FAM227B: variants seen among roughly 807,000 people sequenced by gnomAD.
FAM227B encodes the protein family with sequence similarity 227 member B.
A neutral mutation model predicts 73.8 loss-of-function variants in FAM227B; 88 were observed. The observed-to-expected ratio is 1.19, with a 90% CI of 1.00 to 1.42. FAM227B has a LOEUF of 1.42. FAM227B is among the 40% of genes most tolerant of loss of function. FAM227B has a pLI of 0.00. For synonymous variants in FAM227B, 210 were observed against 190.5 expected (o/e 1.10, Z -0.84); for missense variants, 632 against 590.9 (o/e 1.07, Z -0.72).
chr15:49,452,021 T>G (rs890907480), intron 11 of FAM227B, among the ~76,000 whole-genome samples: 6 of 152,098 alleles, frequency 3.9e-5, no homozygotes, highest in Non-Finnish European at 7.4e-5. Flanking sequence ...TGACATAGAT[T>G]CAAAATTTGA....
chr15:49,352,876 A>G (rs1306069117), intron 13 of FAM227B, among the ~76,000 whole-genome samples: 3 of 152,102 alleles, frequency 2.0e-5, no homozygotes, highest in African/African-American at 7.2e-5. Flanking sequence ...ATCCTCCTGG[A>G]ATTTCTTGGT....
At chr15:49,613,341 AC>A (rs1327168437) in intron 2 of FAM227B, among the ~76,000 whole-genome samples, 2 of 152,078 alleles carry the variant, frequency 1.3e-5, no homozygotes, top group African/African-American at 4.8e-5. Context: ...ACACGGTAAA[AC>A]CCCAGTCTCT....
chr15:49,537,097 C>T (rs1224066517), intron 10 of FAM227B, among the ~76,000 whole-genome samples: 2 of 151,830 alleles, frequency 1.3e-5, no homozygotes, highest in South Asian at 2.1e-4. Flanking sequence ...GTCTTCTGCA[C>T]GTCAAAGAAA....
At chr15:49,573,065 G>A (rs1245408274) in intron 8 of FAM227B, among the ~76,000 whole-genome samples, 2 of 150,280 alleles carry the variant, frequency 1.3e-5, no homozygotes, top group African/African-American at 4.9e-5. Context: ...TTCTAATGCA[G>A]GCATTTTAAT....
At chr15:49,601,220 CCTTT>C (rs992063056) in intron 3 of FAM227B, among the ~76,000 whole-genome samples, 12 of 150,840 alleles carry the variant, frequency 8.0e-5, no homozygotes, top group South Asian at 4.2e-4. Flanking sequence ...TTCCTCTCTT[CCTTT>C]GTGATTTGAT....
intron 1 of FAM227B, among the ~76,000 whole-genome samples, chr15:49,618,299 T>C (rs1002548387): frequency 3.9e-5 from 6 of 152,066 alleles, no homozygotes; most frequent in African/African-American, 1.4e-4. Context: ...AGGAGAGCAG[T>C]ATTATGTTGG....
intron 11 of FAM227B, among the ~76,000 whole-genome samples, chr15:49,393,969 C>G (rs2047392647): frequency 6.6e-6 from 1 of 152,110 alleles, no homozygotes; most frequent in Non-Finnish European, 1.5e-5. Context: ...CAGGAGTGTT[C>G]TTTAAATGTC....
intron 11 of FAM227B, among the ~76,000 whole-genome samples, chr15:49,507,090 C>T (rs1350743982): frequency 1.3e-5 from 2 of 151,474 alleles, no homozygotes; most frequent in Non-Finnish European, 2.9e-5. Flanking sequence ...TAGCCCCCCA[C>T]CCCCCATAAC....
chr15:49,482,240 TTTTAC>T (rs1436407321), intron 11 of FAM227B, among the ~76,000 whole-genome samples: 1 of 152,032 alleles, frequency 6.6e-6, no homozygotes, highest in African/African-American at 2.4e-5. Context: ...TATCTTGAGA[TTTTAC>T]TTTATTTAGT....
intron 11 of FAM227B, among the ~76,000 whole-genome samples, chr15:49,468,832 T>A (rs1302036175): frequency 6.6e-6 from 1 of 152,168 alleles, no homozygotes. Context: ...GAGGTTTGTC[T>A]TCCGTGTTAA....
At chr15:49,534,417 G>A (rs1189457099) in intron 10 of FAM227B, among the ~76,000 whole-genome samples, 4 of 151,826 alleles carry the variant, frequency 2.6e-5, no homozygotes, top group African/African-American at 9.7e-5. Context: ...AATTTATCAA[G>A]AGGATGTAAC....
rs547919507 is a variant in FAM227B at position 49,484,558 on chromosome 15, C to T, written c.1012+23653G>A. ...CAGCAGGGAGATTTCTTTAAGTGGA[C>T]TGTTTTCTTTCTTCTCAAAATTTTC... On this transcript the variant is annotated intron_variant, in intron 11 of 15. Transcript: ENST00000299338. The T allele has an allele frequency of 1.4e-5, 13 of 913,040 alleles. No homozygotes were observed. In the African/African-American group the frequency reaches 1.9e-4, roughly 13 times the overall value. 56.6% of individuals were successfully genotyped at this position (913,040 alleles called of 1,614,324 possible). A position where few individuals can be genotyped will look rare whatever the true frequency, so the allele number is the denominator to read the frequency against.
At position 49,522,322 on chromosome 15, in the gene FAM227B, A is replaced by T. The variant is rs541776238; in HGVS notation, c.875-13974T>A. ...GTCCCATCTAAATGATAGCAAATTTAAAAATAAGAAGTGATAGCTTCTTCA... is the reference window on the plus strand; with the variant it reads ...GTCCCATCTAAATGATAGCAAATTTTAAAATAAGAAGTGATAGCTTCTTCA... On this transcript the variant is annotated intron_variant, in intron 10 of 15. Transcript: ENST00000299338. 4.6e-5 allele frequency among the ~76,000 whole-genome samples: 7 copies of T among 152,332 alleles called. No homozygotes were observed. In the East Asian group the frequency reaches 1.3e-3, roughly 29 times the overall value.
chr15:49,571,631 C>T (rs1072726), intron 8 of FAM227B, among the ~76,000 whole-genome samples: 68,540 of 151,594 alleles, frequency 0.45, 16,095 homozygotes, highest in East Asian at 0.74. Flanking sequence ...GTTCTTGGCG[C>T]CTTTGTTGAA....
chr15:49,574,968 C>T (rs1310561777), intron 8 of FAM227B, 43 bp downstream of exon 8: 3 of 1,254,336 alleles, frequency 2.4e-6, no homozygotes, highest in Non-Finnish European at 3.4e-6. Context: ...ATTAATTATG[C>T]CAAAAATCAA....
At chr15:49,337,805 T>C (rs1386367735) in intron 13 of FAM227B, among the ~76,000 whole-genome samples, 1 of 152,130 alleles carries the variant, frequency 6.6e-6, no homozygotes, top group East Asian at 1.9e-4. Context: ...TTGCTGAGAA[T>C]GATGGTTTCC....
intron 11 of FAM227B, among the ~76,000 whole-genome samples, chr15:49,491,239 T>C (rs2057059815): frequency 6.6e-6 from 1 of 151,886 alleles, no homozygotes; most frequent in Non-Finnish European, 1.5e-5. Context: ...CCTTAATCTT[T>C]CTTGTTTCAA....
At chr15:49,588,564 T>C (rs1362226616) in intron 4 of FAM227B, among the ~76,000 whole-genome samples, 3 of 59,530 alleles carry the variant, frequency 5.0e-5, no homozygotes, top group Admixed American at 2.9e-4. Flanking sequence ...TATATATATA[T>C]ATATATATAT....
intron 11 of FAM227B, among the ~76,000 whole-genome samples, chr15:49,464,843 A>G (rs74012383): frequency 0.022 from 3,352 of 152,284 alleles, 146 homozygotes; most frequent in African/African-American, 0.077. Context: ...AATAAAAACT[A>G]TACAGTACAA....
Sources: allele counts gnomAD v4.1 joint callset (sites outside exome capture counted in the v4.1 genomes callset), GRCh38; gene constraint gnomAD v4.1.1; transcripts MANE v1.5; gene names NCBI Gene and HGNC (gene_info 2026-07-23, HGNC 2026-07-21).